ETV4: variants seen among roughly 807,000 people sequenced by gnomAD.
ETV4 encodes ETS variant transcription factor 4, also known as ETS translocation variant 4.
ETV4 carries 42 observed loss-of-function variants against 65.9 expected under a neutral mutation model. The observed-to-expected ratio is 0.64, with a 90% CI of 0.50 to 0.82. ETV4 has a LOEUF of 0.82. Ranked by LOEUF, ETV4 falls within the 40% of genes least tolerant of loss-of-function variation. ETV4 has a pLI of 0.00. For missense variants in ETV4, 583 were observed against 630.3 expected (o/e 0.92, Z 0.80); for synonymous variants, 238 against 260.0 (o/e 0.92, Z 0.81).
chr17:43,528,574 G>A lies in ETV4; in HGVS notation c.1400C>T (p.Pro467Leu), dbSNP rs1363939958. 8.7e-6 allele frequency: 14 copies of A among 1,614,000 alleles called. No individual in the cohort carries two copies. Among genetic ancestry groups the A allele is most frequent in the Non-Finnish European group, 1.2e-5 (14 of 1,179,956 alleles). Residue 467 changes from proline to leucine, a missense_variant, in exon 13 of 13, where the codon CCA (proline) becomes CTA (leucine). Pro to Leu is a moderately conservative substitution (Grantham distance 98). Coordinates refer to ENST00000319349, the MANE Select transcript of ETV4 (RefSeq NM_001079675.5). ...SHLDESPAYL[P>L]ELAGPAQPFG... ...TGGCTGGGCGGGGCCAGCCAGCTCT[G>A]GGAGGTAGGCGGGGCTCTCATCCAA...
intron 5 of ETV4, 51 bp from the exon 6 acceptor site, chr17:43,534,036 C>T (rs1265966527): frequency 2.8e-6 from 4 of 1,452,186 alleles, no homozygotes; most frequent in Non-Finnish European, 2.7e-6. Context: ...ACACAAGAGG[C>T]AGGCAGGGCT....
intron 4 of ETV4, among the ~76,000 whole-genome samples, chr17:43,540,912 C>T (rs1239967351): frequency 1.3e-5 from 2 of 152,136 alleles, no homozygotes; most frequent in Non-Finnish European, 2.9e-5. Flanking sequence ...ATTCCGGCCC[C>T]ACCCCTGGGG....
chr17:43,541,003 A>C (rs188039457), intron 4 of ETV4, among the ~76,000 whole-genome samples: 1 of 152,048 alleles, frequency 6.6e-6, no homozygotes, highest in African/African-American at 2.4e-5. Context: ...AGAGCAGAGA[A>C]CCCTCAGCAT....
rs756431516 is a variant in ETV4 at position 43,532,977 on chromosome 17, TTTAAA to T, written c.546-43_546-39del. On this transcript the variant is annotated intron_variant, in intron 7 of 12. Transcript: ENST00000319349. The stretch of plus-strand genomic sequence containing the variant: ...GGATGGAGAAGGAAGAGAAGAGAAC[TTTAAA>T]TTAATCCTTCCTCGAGCCTGTTACT... 7.2e-6 allele frequency: 11 copies of T among 1,528,804 alleles called. No homozygotes were observed. In the Admixed American group the frequency reaches 1.7e-4, roughly 24 times the overall value. 94.7% of individuals were successfully genotyped at this position (1,528,804 alleles called of 1,614,324 possible).
chr17:43,543,525 C>T (rs946672557), intron 4 of ETV4, among the ~76,000 whole-genome samples: 3 of 152,252 alleles, frequency 2.0e-5, no homozygotes, highest in Admixed American at 1.3e-4. Context: ...TCTCAGCTGA[C>T]AGGCAAGGAA....
In ETV4 at chr17:43,533,923, C is replaced by G; in HGVS notation, c.319G>C (p.Ala107Pro). ...GGCGGCTTCCTGCTGCAGGACAGGG[C>G]CGGGTCTGTGCGGGGACTCTGGGGC... ...KEPQSPRTDPALSCSRKPPLP... is the reference protein window; with the variant it reads ...KEPQSPRTDPPLSCSRKPPLP... Residue 107 changes from alanine (A) to proline (P), a missense_variant, in exon 6 of 13, where the codon GCC becomes CCC. Coordinates refer to ENST00000319349, the MANE Select transcript of ETV4 (RefSeq NM_001079675.5). The G allele has an allele frequency of 6.3e-7, 1 of 1,585,574 alleles. No individual in the cohort carries two copies. Among genetic ancestry groups the G allele is most frequent in the Non-Finnish European group, 8.5e-7 (1 of 1,170,942 alleles).
At chr17:43,529,826 C>T in intron 10 of ETV4, 58 bp downstream of exon 10, 1 of 1,603,242 alleles carries the variant, frequency 6.2e-7, no homozygotes, top group Non-Finnish European at 8.5e-7. Context: ...GATGTGACTC[C>T]TGCAGGGACA....
At chr17:43,529,839 G>T in intron 10 of ETV4, 45 bp downstream of exon 10, 1 of 1,606,908 alleles carries the variant, frequency 6.2e-7, no homozygotes, top group Non-Finnish European at 8.5e-7. Context: ...CAGGGACACA[G>T]CGTGATAAGA....
In ETV4 at chr17:43,528,511, G is replaced by A. The variant is rs538570019; in HGVS notation, c.*8C>T. ...CCCACCTGCGGCAGGGGGAACAGCC[G>A]CTGGGGGCTAGTAAGAGTAGCCACC... On this transcript the variant is annotated 3_prime_UTR_variant, in exon 13 of 13. Coordinates refer to ENST00000319349, the MANE Select transcript of ETV4 (RefSeq NM_001079675.5). 2.5e-5 allele frequency: 40 copies of A among 1,585,512 alleles called. No individual in the cohort carries two copies. Among genetic ancestry groups the A allele is most frequent in the South Asian group, 1.5e-4 (13 of 89,194 alleles).
intron 8 of ETV4, among the ~76,000 whole-genome samples, chr17:43,530,894 A>G (rs564497117): frequency 2.9e-3 from 440 of 152,014 alleles, no homozygotes; most frequent in Non-Finnish European, 3.3e-3. Context: ...AGGAGGCGGG[A>G]GGGTGGGCTC....
chr17:43,542,038 A>T (rs957439637), intron 4 of ETV4, among the ~76,000 whole-genome samples: 1 of 152,174 alleles, frequency 6.6e-6, no homozygotes, highest in Non-Finnish European at 1.5e-5. Flanking sequence ...TGTGCCCTCC[A>T]TGCATGCCCT....
chr17:43,532,996 G>A, intron 7 of ETV4, 57 bp from the exon 8 acceptor site: 5 of 1,524,456 alleles, frequency 3.3e-6, no homozygotes, highest in Non-Finnish European at 4.4e-6. Context: ...ATCCTTCCTC[G>A]AGCCTGTTAC....
At chr17:43,529,767 T>G in intron 10 of ETV4, 91 bp from the exon 11 acceptor site, 1 of 1,593,192 alleles carries the variant, frequency 6.3e-7, no homozygotes, top group Non-Finnish European at 8.6e-7. Context: ...CGAAGGGGTC[T>G]CCCCAGGTAC....
Position 43,528,413 on chromosome 17 carries a change from C to T in ETV4, c.*106G>A. The T allele has an allele frequency of 2.6e-6, 2 of 771,818 alleles. No homozygotes were observed. Among genetic ancestry groups the T allele is most frequent in the East Asian group, 2.7e-5 (1 of 36,986 alleles). 47.8% of individuals were successfully genotyped at this position (771,818 alleles called of 1,614,324 possible). ...AACTGGTAGGACAGTGGGGATCTGC[C>T]CCAGAGACATCTGTGGGTTTCAGAT... On this transcript the variant is annotated 3_prime_UTR_variant, in exon 13 of 13. Coordinates refer to ENST00000319349, the MANE Select transcript of ETV4 (RefSeq NM_001079675.5).
chr17:43,538,863 G>A (rs1162900748), intron 4 of ETV4, among the ~76,000 whole-genome samples: 3 of 152,152 alleles, frequency 2.0e-5, no homozygotes. Context: ...ATTGGACAAT[G>A]GGGAAACTGA....
In ETV4 at chr17:43,545,298, A is replaced by C. The variant is rs1312338893; in HGVS notation, c.130T>G (p.Ser44Ala). ...GPLGKLMDPGSLPPLDSEDLF... is the reference protein window; with the variant it reads ...GPLGKLMDPGALPPLDSEDLF... ...CCTTCAGAGTCGAGGGGCGGCAGGG[A>C]GCCCGGGTCCATGAGCTTCCCCAGC... Residue 44 changes from serine to alanine, a missense_variant, in exon 3 of 13, where the codon TCC becomes GCC. Ser to Ala is a moderately conservative substitution (Grantham distance 99). Coordinates refer to ENST00000319349, the MANE Select transcript of ETV4 (RefSeq NM_001079675.5). The C allele has an allele frequency of 1.2e-6, 2 of 1,608,480 alleles. No individual in the cohort carries two copies. Among genetic ancestry groups the C allele is most frequent in the Non-Finnish European group, 8.5e-7 (1 of 1,177,670 alleles).
intron 4 of ETV4, among the ~76,000 whole-genome samples, chr17:43,539,782 C>T (rs1471855033): frequency 6.6e-6 from 1 of 152,216 alleles, no homozygotes; most frequent in East Asian, 1.9e-4. Flanking sequence ...CAGGAAAGCA[C>T]ATCTCACAGG....
intron 10 of ETV4, 67 bp downstream of exon 10, chr17:43,529,817 A>G: frequency 6.2e-7 from 1 of 1,600,294 alleles, no homozygotes; most frequent in South Asian, 1.1e-5. Context: ...ATGAAACGTG[A>G]TGTGACTCCT....
At chr17:43,540,231 C>G (rs1007488958) in intron 4 of ETV4, among the ~76,000 whole-genome samples, 1 of 152,004 alleles carries the variant, frequency 6.6e-6, no homozygotes, top group Non-Finnish European at 1.5e-5. Context: ...GGCAGGCAGA[C>G]GATCTGAGGT....
Sources: gnomAD v4.1 joint callset for allele counts (sites outside exome capture counted in the v4.1 genomes callset) on GRCh38, gnomAD v4.1.1 for gene constraint, MANE v1.5 for transcripts, NCBI Gene and HGNC (gene_info 2026-07-23, HGNC 2026-07-21) for gene names.